The following PCDH15 variants were observed in gnomAD, a reference collection of about 807,000 sequenced individuals.
PCDH15 encodes the protein protocadherin-15.
In PCDH15, 129 loss-of-function variants were observed where a neutral mutation model predicts 178.5. That is an observed-to-expected ratio of 0.72 (90% CI 0.63 to 0.84). The LOEUF (loss-of-function observed/expected upper bound fraction) is 0.84, where lower values mean the gene tolerates loss of function less well. Ranked by LOEUF, PCDH15 falls within the 40% of genes least tolerant of loss-of-function variation. The probability of loss-of-function intolerance (pLI) is 0.00; values close to 1 mark genes in which losing one functional copy is unlikely to be tolerated. For missense variants in PCDH15, 2,230 were observed against 2,099.9 expected, an observed-to-expected ratio of 1.06 and a Z score of -1.21; for synonymous variants, 800 against 732.0, an observed-to-expected ratio of 1.09 and a Z score of -1.50.
At chr10:53,890,812 GA>G (rs1426392855) in intron 26 of PCDH15, among the ~76,000 whole-genome samples, 1 of 152,056 alleles carries the variant, frequency 6.6e-6, no homozygotes, top group Non-Finnish European at 1.5e-5. Flanking sequence ...GCAATTCTCA[GA>G]TTTTCAGTGA....
chr10:54,046,736 C>T (rs1565115124), intron 18 of PCDH15, among the ~76,000 whole-genome samples: 1 of 152,104 alleles, frequency 6.6e-6, no homozygotes, highest in Non-Finnish European at 1.5e-5. Context: ...TTTGGACTTA[C>T]ATTTATGTTT....
chr10:55,420,092 A>T (rs925299078), intron 2 of PCDH15, among the ~76,000 whole-genome samples: 2 of 151,728 alleles, frequency 1.3e-5, no homozygotes, highest in East Asian at 3.9e-4. Flanking sequence ...CATCCATCCC[A>T]CATATTGCTT....
Position 53,930,412 on chromosome 10 carries a change from C to T in PCDH15, c.3373+8403G>A, listed in dbSNP as rs192039313. Among the ~76,000 whole-genome samples, 961 of 129,360 alleles carry T rather than the reference C, an allele frequency of 7.4e-3. 3 individuals are homozygous for T. The highest frequency in any genetic ancestry group is 0.02 in the Middle Eastern group (4 of 202). 84.9% of individuals were successfully genotyped at this position (129,360 alleles called of 152,430 possible). ...GGCGGAGCTTGCAACGAGCTGAGAC[C>T]GTGCCACTGTACTCCAGCCTGGGTG... On this transcript the variant is annotated intron_variant, in intron 25 of 37. Transcript: ENST00000644397.
intron 1 of PCDH15, among the ~76,000 whole-genome samples, chr10:55,194,615 A>G (rs1037367111): frequency 6.6e-6 from 1 of 152,104 alleles, no homozygotes; most frequent in African/African-American, 2.4e-5. Context: ...TTATCATTTT[A>G]TGCTTATTAT....
intron 3 of PCDH15, among the ~76,000 whole-genome samples, chr10:54,515,267 C>T (rs745493939): frequency 6.6e-6 from 1 of 152,318 alleles, no homozygotes; most frequent in Non-Finnish European, 1.5e-5. Context: ...AATCGGGTCA[C>T]TCCCACCTTA....
At chr10:55,605,072 C>T (rs989730582) in intron 2 of PCDH15, among the ~76,000 whole-genome samples, 69 of 151,410 alleles carry the variant, frequency 4.6e-4, no homozygotes, top group African/African-American at 1.3e-3. Context: ...ATATCACCAC[C>T]GATCCCACAG....
intron 21 of PCDH15, chr10:53,995,254 T>C (rs1177168265): frequency 5.4e-6 from 1 of 185,376 alleles, no homozygotes; most frequent in African/African-American, 2.4e-5. Flanking sequence ...ACACATTCAA[T>C]ATAAGTTTCA....
At chr10:54,625,520 T>A (rs1176407216) in intron 2 of PCDH15, among the ~76,000 whole-genome samples, 1 of 152,078 alleles carries the variant, frequency 6.6e-6, no homozygotes, top group Non-Finnish European at 1.5e-5. Flanking sequence ...TGAATGGGTC[T>A]CCTGAGATCT....
intron 15 of PCDH15, among the ~76,000 whole-genome samples, chr10:54,103,183 G>T (rs2094843814): frequency 6.6e-6 from 1 of 152,168 alleles, no homozygotes; most frequent in African/African-American, 2.4e-5. Flanking sequence ...ATTCAAATTA[G>T]TCTTTTGTCC....
chr10:54,517,800 C>T (rs112145934), intron 3 of PCDH15, among the ~76,000 whole-genome samples: 10,072 of 152,134 alleles, frequency 0.066, 535 homozygotes, highest in Non-Finnish European at 0.096. Flanking sequence ...AAATTGACCA[C>T]ATAGTTGGAA....
At chr10:53,810,409 G>A (rs562595437) in intron 37 of PCDH15, 147 bp downstream of exon 37, 7 of 665,938 alleles carry the variant, frequency 1.1e-5, no homozygotes, top group Admixed American at 6.8e-5. Context: ...GCAATGAAAC[G>A]GTCAGCACTG....
intron 1 of PCDH15, among the ~76,000 whole-genome samples, chr10:55,283,783 T>C (rs1172705073): frequency 7.9e-5 from 12 of 151,946 alleles, no homozygotes; most frequent in Admixed American, 7.9e-4. Flanking sequence ...TGCCTTCTAA[T>C]AGTCTGTCAA....
At chr10:54,034,026 A>T (rs1033602669) in intron 18 of PCDH15, among the ~76,000 whole-genome samples, 3 of 151,888 alleles carry the variant, frequency 2.0e-5, no homozygotes, top group Admixed American at 2.0e-4. Flanking sequence ...CTAGAAAAAA[A>T]ATTCTTAACT....
chr10:53,906,782 TA>T (rs1377402761), intron 25 of PCDH15: 1 of 145,440 alleles, frequency 6.9e-6, no homozygotes, highest in Non-Finnish European at 1.5e-5. Context: ...TATGTTATTT[TA>T]CCCCACCCCT....
At chr10:54,853,308 T>C (rs1267083449) in intron 3 of PCDH15, among the ~76,000 whole-genome samples, 1 of 103,024 alleles carries the variant, frequency 9.7e-6, no homozygotes, top group South Asian at 3.4e-4. Flanking sequence ...TATATATATA[T>C]ATATATATAT....
intron 1 of PCDH15, among the ~76,000 whole-genome samples, chr10:55,219,192 T>A (rs1316871012): frequency 6.6e-6 from 1 of 151,990 alleles, no homozygotes; most frequent in East Asian, 1.9e-4. Context: ...AGCTTCCTCA[T>A]GATCAGTAGA....
chr10:55,340,120 A>C, intron 2 of PCDH15, among the ~76,000 whole-genome samples: 1 of 151,568 alleles, frequency 6.6e-6, no homozygotes, highest in South Asian at 2.1e-4. Context: ...AGATTCTACA[A>C]AATATACATA....
chr10:53,993,848 T>G (rs1246957838), intron 21 of PCDH15, among the ~76,000 whole-genome samples: 5 of 152,148 alleles, frequency 3.3e-5, no homozygotes, highest in Non-Finnish European at 7.3e-5. Flanking sequence ...GGGGCAAAAC[T>G]GAGTCTGATA....
intron 5 of PCDH15, among the ~76,000 whole-genome samples, chr10:54,359,336 T>G (rs187471355): frequency 6.7e-6 from 1 of 148,734 alleles, no homozygotes; most frequent in East Asian, 1.9e-4. Context: ...CCAATGTTGG[T>G]TTATTAGTTG....
Sources: gnomAD v4.1 joint callset for allele counts (sites outside exome capture counted in the v4.1 genomes callset) on GRCh38, gnomAD v4.1.1 for gene constraint, MANE v1.5 for transcripts, NCBI Gene and HGNC (gene_info 2026-07-23, HGNC 2026-07-21) for gene names.